VAT1L: variants seen among roughly 807,000 people sequenced by gnomAD.
VAT1L encodes putative NADPH-dependent quinone oxidoreductase VAT1L.
Under a neutral mutation model 44.1 loss-of-function variants are expected in VAT1L, and 34 were observed. The observed-to-expected ratio is 0.77, with a 90% CI of 0.59 to 1.03. VAT1L has a LOEUF of 1.03. Ranked by LOEUF, VAT1L falls within the 50% of genes least tolerant of loss-of-function variation. VAT1L has a pLI of 0.00. For synonymous variants in VAT1L, 253 were observed against 202.2 expected, an observed-to-expected ratio of 1.25 and a Z score of -2.13; for missense variants, 615 against 538.8, an observed-to-expected ratio of 1.14 and a Z score of -1.40.
At position 77,971,976 on chromosome 16, in the gene VAT1L, A is replaced by G. The variant is rs763468794; in HGVS notation, c.1161+43A>G. 5 of 1,582,144 alleles carry G rather than the reference A, an allele frequency of 3.2e-6. No homozygotes were observed. The Admixed American group carries it at 5.3e-5, about 17-fold the overall frequency. Reference sequence around the variant, plus strand: ...GAGTCTGTTCAGTTCCACGCGAGAGAGCACCACGGGTCAATCAGATGCAGA... The same window carrying G: ...GAGTCTGTTCAGTTCCACGCGAGAGGGCACCACGGGTCAATCAGATGCAGA... On this transcript the variant is annotated intron_variant, in intron 8 of 8. Coordinates refer to ENST00000302536, the MANE Select transcript of VAT1L (RefSeq NM_020927.3).
intron 2 of VAT1L, among the ~76,000 whole-genome samples, chr16:77,824,835 T>C (rs1831183424): frequency 6.6e-6 from 1 of 151,732 alleles, no homozygotes; most frequent in Non-Finnish European, 1.5e-5. Flanking sequence ...AACCATGTGT[T>C]TGTACCGTGG....
chr16:77,846,416 A>G (rs891014330), intron 3 of VAT1L, among the ~76,000 whole-genome samples: 1 of 152,168 alleles, frequency 6.6e-6, no homozygotes, highest in African/African-American at 2.4e-5. Flanking sequence ...TCACGATTTC[A>G]TACTGGTAGG....
intron 7 of VAT1L, among the ~76,000 whole-genome samples, chr16:77,899,291 C>A (rs181575938): frequency 2.0e-5 from 3 of 152,346 alleles, no homozygotes; most frequent in East Asian, 1.9e-4. Flanking sequence ...AAGGCCTCAA[C>A]CCCCTCCAGG....
chr16:77,806,605 A>G (rs1293488872), intron 1 of VAT1L, among the ~76,000 whole-genome samples: 2 of 152,186 alleles, frequency 1.3e-5, no homozygotes, highest in Non-Finnish European at 2.9e-5. Flanking sequence ...GGCCTCCCAA[A>G]GTGTTGGGAT....
At chr16:77,816,898 C>T (rs774419009) in intron 1 of VAT1L, 23 bp from the exon 2 acceptor site, 28 of 1,574,316 alleles carry the variant, frequency 1.8e-5, no homozygotes, top group Non-Finnish European at 1.2e-5. Flanking sequence ...GAATTTCTCT[C>T]CTTTCACATT....
intron 1 of VAT1L, chr16:77,801,607 C>T (rs2016054129): frequency 6.6e-6 from 1 of 151,946 alleles, no homozygotes. Flanking sequence ...TTCAAGGGAG[C>T]TCTGATGAGA....
chr16:77,932,621 T>G (rs1567512623), intron 7 of VAT1L, among the ~76,000 whole-genome samples: 1 of 152,120 alleles, frequency 6.6e-6, no homozygotes. Context: ...TATCTTACAC[T>G]TGAGAGAAAA....
At chr16:77,855,848 T>A (rs1357167998) in intron 3 of VAT1L, among the ~76,000 whole-genome samples, 1 of 152,060 alleles carries the variant, frequency 6.6e-6, no homozygotes, top group East Asian at 1.9e-4. Context: ...TGAAACCCCA[T>A]CTCTACTAAA....
At chr16:77,795,596 G>C (rs868645735) in intron 1 of VAT1L, among the ~76,000 whole-genome samples, 2 of 152,134 alleles carry the variant, frequency 1.3e-5, no homozygotes, top group African/African-American at 4.8e-5. Context: ...TGAAGGAAGA[G>C]CAGGAATGAA....
At chr16:77,919,138 A>G (rs1056293425) in intron 7 of VAT1L, among the ~76,000 whole-genome samples, 4 of 151,750 alleles carry the variant, frequency 2.6e-5, no homozygotes, top group Non-Finnish European at 2.9e-5. Context: ...GTGTGTGTGC[A>G]TGTGTGTGCA....
chr16:77,896,067 C>T (rs447392), intron 7 of VAT1L, among the ~76,000 whole-genome samples: 136,758 of 152,154 alleles, frequency 0.9, 61,958 homozygotes, highest in Non-Finnish European at 0.95. Flanking sequence ...AGGCTGACCT[C>T]GAATGGAGGG....
intron 7 of VAT1L, among the ~76,000 whole-genome samples, chr16:77,949,460 G>A (rs886777566): frequency 3.9e-5 from 6 of 152,218 alleles, no homozygotes; most frequent in African/African-American, 1.4e-4. Context: ...CAAACCTCAT[G>A]TGGAAATTTG....
intron 1 of VAT1L, among the ~76,000 whole-genome samples, chr16:77,803,134 A>C (rs1344804619): frequency 6.6e-6 from 1 of 152,200 alleles, no homozygotes; most frequent in Non-Finnish European, 1.5e-5. Context: ...CTGTGCCCTA[A>C]AGTTGCTCAT....
At chr16:77,844,411 T>A (rs188104937) in intron 3 of VAT1L, among the ~76,000 whole-genome samples, 6 of 152,226 alleles carry the variant, frequency 3.9e-5, no homozygotes, top group East Asian at 1.9e-4. Flanking sequence ...ATTTTTTATT[T>A]TTTTTTATTT....
intron 7 of VAT1L, among the ~76,000 whole-genome samples, chr16:77,940,327 A>G (rs370583140): frequency 1.3e-5 from 2 of 150,172 alleles, no homozygotes; most frequent in East Asian, 2.0e-4. Flanking sequence ...AGCCAGGTCT[A>G]ACATACCACT....
At chr16:77,790,466 A>G (rs1047798050) in intron 1 of VAT1L, among the ~76,000 whole-genome samples, 5 of 152,130 alleles carry the variant, frequency 3.3e-5, no homozygotes, top group African/African-American at 1.2e-4. Flanking sequence ...CGCTGAATGA[A>G]TGGATTGAGG....
intron 4 of VAT1L, among the ~76,000 whole-genome samples, chr16:77,865,729 A>G (rs536030465): frequency 1.7e-4 from 26 of 152,314 alleles, no homozygotes; most frequent in Admixed American, 7.2e-4. Context: ...CAGGGATGCC[A>G]TGGGCTAGGA....
At chr16:77,892,955 C>G (rs2017283780) in intron 7 of VAT1L, 5 of 798,948 alleles carry the variant, frequency 6.3e-6, no homozygotes, top group Non-Finnish European at 4.3e-6. Context: ...CCAGACCATT[C>G]TATCTGTAGC....
chr16:77,795,813 CTTTT>C (rs56725954), intron 1 of VAT1L, among the ~76,000 whole-genome samples: 146 of 100,580 alleles, frequency 1.5e-3, no homozygotes, highest in African/African-American at 3.6e-3. Context: ...CCTTTTTTCT[CTTTT>C]TTTTTTTTTT....
Sources: gnomAD v4.1 joint callset for allele counts (sites outside exome capture counted in the v4.1 genomes callset) on GRCh38, gnomAD v4.1.1 for gene constraint, MANE v1.5 for transcripts, NCBI Gene and HGNC (gene_info 2026-07-23, HGNC 2026-07-21) for gene names.